DOK5: variants seen among roughly 807,000 people sequenced by gnomAD.
The protein encoded by DOK5 is downstream of tyrosine kinase 5.
Under a neutral mutation model 43.3 loss-of-function variants are expected in DOK5, and 27 were observed. That is an observed-to-expected ratio of 0.62 (90% confidence interval 0.46 to 0.86). The LOEUF (loss-of-function observed/expected upper bound fraction) is 0.86, where lower values mean the gene tolerates loss of function less well. Ranked by LOEUF, DOK5 falls within the 40% of genes least tolerant of loss-of-function variation. The pLI is 0.00. For missense variants in DOK5, 373 were observed against 392.9 expected (o/e 0.95, Z 0.43); for synonymous variants, 146 against 140.1 (o/e 1.04, Z -0.30).
At chr20:54,580,436 A>G (rs1985600599) in intron 2 of DOK5, among the ~76,000 whole-genome samples, 1 of 152,074 alleles carries the variant, frequency 6.6e-6, no homozygotes, top group Admixed American at 6.5e-5. Context: ...TCTTTCCCTA[A>G]GTGGCTGCAC....
intron 1 of DOK5, among the ~76,000 whole-genome samples, chr20:54,520,690 C>A (rs914943998): frequency 6.6e-6 from 1 of 152,038 alleles, no homozygotes; most frequent in African/African-American, 2.4e-5. Context: ...AAGACTGAAG[C>A]AGGAGGACTT....
chr20:54,607,608 C>T (rs80330637), intron 5 of DOK5, among the ~76,000 whole-genome samples: 4,502 of 150,250 alleles, frequency 0.03, 230 homozygotes, highest in African/African-American at 0.1. Flanking sequence ...CATTGGGGGC[C>T]GGGTGCAGTG....
intron 1 of DOK5, among the ~76,000 whole-genome samples, chr20:54,501,494 A>G (rs1373126453): frequency 7.7e-6 from 1 of 130,716 alleles, no homozygotes; most frequent in Non-Finnish European, 1.5e-5. Context: ...AAAAAAAAAG[A>G]AGAAAAGGAA....
intron 1 of DOK5, among the ~76,000 whole-genome samples, chr20:54,519,733 A>G (rs1292976203): frequency 6.6e-6 from 1 of 152,200 alleles, no homozygotes; most frequent in Non-Finnish European, 1.5e-5. Context: ...ATACAAATTC[A>G]TTCAAAAGAG....
rs182711170 is a variant in DOK5 at position 54,649,567 on chromosome 20, G to T, written c.857-848G>T. On this transcript the variant is annotated intron_variant, in intron 7 of 7. Transcript: ENST00000262593. Reference sequence around the variant, plus strand: ...CGGAAGTTTGTTCCAAAGGCTTTGCGGTGAGTCCTGAGATCTTCACCTAGC... The same window carrying T: ...CGGAAGTTTGTTCCAAAGGCTTTGCTGTGAGTCCTGAGATCTTCACCTAGC... Among the ~76,000 whole-genome samples, 217 of 105,016 alleles carry T rather than the reference G, an allele frequency of 2.1e-3. 1 individual carries two copies. The Middle Eastern group carries it at 0.073, about 35-fold the overall frequency. The allele number at this position is 105,016 out of a possible 152,430, so 68.9% of individuals were successfully genotyped here. A position where few individuals can be genotyped will look rare whatever the true frequency, so the allele number is the denominator to read the frequency against.
chr20:54,597,841 C>T (rs920800549), intron 5 of DOK5, among the ~76,000 whole-genome samples: 1 of 152,242 alleles, frequency 6.6e-6, no homozygotes, highest in Non-Finnish European at 1.5e-5. Flanking sequence ...GGAGAGAAAG[C>T]ATGCTTACAT....
chr20:54,496,697 T>C (rs1468874323), intron 1 of DOK5, among the ~76,000 whole-genome samples: 6 of 128,110 alleles, frequency 4.7e-5, no homozygotes, highest in East Asian at 4.4e-4. Flanking sequence ...ACACGGGAGG[T>C]GGAGCTTGCA....
chr20:54,524,431 C>T (rs747439770), intron 1 of DOK5, among the ~76,000 whole-genome samples: 1 of 152,196 alleles, frequency 6.6e-6, no homozygotes, highest in African/African-American at 2.4e-5. Flanking sequence ...AAACTCCTAA[C>T]TCTGCTTTTC....
At chr20:54,519,800 A>G (rs772078008) in intron 1 of DOK5, among the ~76,000 whole-genome samples, 2 of 152,150 alleles carry the variant, frequency 1.3e-5, no homozygotes, top group Non-Finnish European at 2.9e-5. Flanking sequence ...GAGATACCCA[A>G]TTTGTCTTAT....
intron 1 of DOK5, among the ~76,000 whole-genome samples, chr20:54,480,883 A>G (rs529774325): frequency 2.7e-5 from 4 of 148,454 alleles, no homozygotes; most frequent in African/African-American, 1.0e-4. Flanking sequence ...TACCCTCTCA[A>G]TGAGGCCTTT....
At chr20:54,638,752 C>CTTTTTTTTTTTTTT (rs11476340) in intron 6 of DOK5, among the ~76,000 whole-genome samples, 1 of 98,530 alleles carries the variant, frequency 1.0e-5, no homozygotes, top group Non-Finnish European at 2.1e-5. Flanking sequence ...CTTTTCTTTT[C>CTTTTTTTTTTTTTT]TTTTTTTTTT....
chr20:54,623,113 G>C (rs117134789), intron 6 of DOK5, among the ~76,000 whole-genome samples: 1,836 of 152,202 alleles, frequency 0.012, 18 homozygotes, highest in South Asian at 0.021. Flanking sequence ...CTAAAACAGC[G>C]GTTCTCAATT....
chr20:54,514,078 C>G (rs1027093604), intron 1 of DOK5, among the ~76,000 whole-genome samples: 1 of 152,108 alleles, frequency 6.6e-6, no homozygotes, highest in African/African-American at 2.4e-5. Context: ...CTGGGAAGTC[C>G]GAAGTGGTTT....
intron 6 of DOK5, among the ~76,000 whole-genome samples, chr20:54,638,166 G>A (rs1978930770): frequency 6.6e-6 from 1 of 151,654 alleles, no homozygotes; most frequent in Non-Finnish European, 1.5e-5. Context: ...GCAGTTCATG[G>A]TCTAGAGCAG....
chr20:54,615,960 T>C (rs1986795761), intron 6 of DOK5, among the ~76,000 whole-genome samples: 1 of 152,096 alleles, frequency 6.6e-6, no homozygotes, highest in South Asian at 2.1e-4. Context: ...GCCAGCCCTG[T>C]TGATGCCTTG....
chr20:54,490,681 G>A (rs563652724), intron 1 of DOK5, among the ~76,000 whole-genome samples: 7 of 152,108 alleles, frequency 4.6e-5, no homozygotes, highest in Non-Finnish European at 8.8e-5. Context: ...CGCCTCCCGT[G>A]TTCAAGCAAT....
chr20:54,509,908 T>C (rs1982953904), intron 1 of DOK5, among the ~76,000 whole-genome samples: 1 of 150,958 alleles, frequency 6.6e-6, no homozygotes, highest in African/African-American at 2.4e-5. Flanking sequence ...GAAATGTCCA[T>C]TGGAGGCTTT....
chr20:54,476,031 C>G lies in DOK5; in HGVS notation c.66+19C>G. 2 of 1,612,628 alleles carry G rather than the reference C, an allele frequency of 1.2e-6. No homozygotes were observed. Among genetic ancestry groups the G allele is most frequent in the Middle Eastern group, 1.7e-4 (1 of 6,054 alleles). The stretch of plus-strand genomic sequence containing the variant: ...CCTCGGGGTGAGTATCGATCCTCTC[C>G]GTGTTGCTGTTCGCCGGTTCGATTG... On this transcript the variant is annotated intron_variant, in intron 1 of 7. Transcript: ENST00000262593.
intron 2 of DOK5, among the ~76,000 whole-genome samples, chr20:54,561,067 C>T (rs1240316101): frequency 6.6e-6 from 1 of 152,208 alleles, no homozygotes; most frequent in Non-Finnish European, 1.5e-5. Context: ...GGTTTGCATG[C>T]AGCACTCCCG....
Sources: gnomAD v4.1 joint callset for allele counts (sites outside exome capture counted in the v4.1 genomes callset) on GRCh38, gnomAD v4.1.1 for gene constraint, MANE v1.5 for transcripts, NCBI Gene and HGNC (gene_info 2026-07-23, HGNC 2026-07-21) for gene names.